Variants in VPS13B observed in about 807,000 individuals in gnomAD.
The protein encoded by VPS13B is intermembrane lipid transfer protein VPS13B.
Under a neutral mutation model 426.4 loss-of-function variants are expected in VPS13B, and 285 were observed. The observed-to-expected ratio is 0.67, with a 90% CI of 0.61 to 0.74. The LOEUF (loss-of-function observed/expected upper bound fraction) is 0.74. Ranked by LOEUF, VPS13B falls within the 30% of genes least tolerant of loss-of-function variation. The pLI is 0.00. For synonymous variants in VPS13B, 1,676 were observed against 1,676.4 expected (o/e 1.00, Z 0.01); for missense variants, 4,537 against 4,782.6 (o/e 0.95, Z 1.51).
At chr8:99,065,913 GA>G (rs1234764576) in intron 3 of VPS13B, among the ~76,000 whole-genome samples, 4 of 152,180 alleles carry the variant, frequency 2.6e-5, no homozygotes, top group African/African-American at 9.7e-5. Context: ...TTGCTTCAAA[GA>G]GAATAAATAC....
At chr8:99,267,334 T>C (rs1818357374) in intron 17 of VPS13B, among the ~76,000 whole-genome samples, 1 of 152,118 alleles carries the variant, frequency 6.6e-6, no homozygotes, top group African/African-American at 2.4e-5. Flanking sequence ...TTGAGAGAGA[T>C]GATTTGGGGT....
At chr8:99,366,149 T>G (rs1347611618) in intron 19 of VPS13B, among the ~76,000 whole-genome samples, 1 of 152,184 alleles carries the variant, frequency 6.6e-6, no homozygotes, top group Non-Finnish European at 1.5e-5. Context: ...TGTTTCTTTG[T>G]TGATTTTCTT....
intron 17 of VPS13B, among the ~76,000 whole-genome samples, chr8:99,256,706 A>G (rs1162569997): frequency 5.4e-4 from 82 of 152,092 alleles, no homozygotes; most frequent in South Asian, 8.3e-4. Flanking sequence ...AGAAATGTCT[A>G]TTCAAGTCCT....
At chr8:99,699,381 T>A (rs1266191445) in intron 35 of VPS13B, 144 bp from the exon 36 acceptor site, 2 of 842,164 alleles carry the variant, frequency 2.4e-6, no homozygotes, top group Non-Finnish European at 3.8e-6. Context: ...AAGTGATGAG[T>A]AAGAGATATA....
chr8:99,776,125 G>A (rs1247206298), intron 40 of VPS13B, among the ~76,000 whole-genome samples: 2 of 152,110 alleles, frequency 1.3e-5, no homozygotes, highest in African/African-American at 4.8e-5. Flanking sequence ...TAAAACAAGG[G>A]TGAAATATTT....
chr8:99,392,291 T>C (rs556088855), intron 21 of VPS13B, among the ~76,000 whole-genome samples: 1 of 152,274 alleles, frequency 6.6e-6, no homozygotes, highest in East Asian at 1.9e-4. Context: ...TATCCTTCTA[T>C]AAAATAATTT....
intron 9 of VPS13B, 83 bp from the exon 10 acceptor site, chr8:99,134,932 T>G: frequency 6.6e-7 from 1 of 1,516,208 alleles, no homozygotes; most frequent in Non-Finnish European, 9.1e-7. Context: ...GATGTTTAAC[T>G]AATTTAGAGA....
intron 3 of VPS13B, among the ~76,000 whole-genome samples, chr8:99,078,639 T>A (rs1845269066): frequency 6.6e-6 from 1 of 152,060 alleles, no homozygotes; most frequent in South Asian, 2.1e-4. Context: ...CAAACTTTGG[T>A]TGTCCAGGCA....
rs769856598 is a variant in VPS13B, at chr8:99,835,268, G to T, written c.9686G>T (p.Arg3229Leu). The part of the protein sequence containing the change: ...YLTLSEDPSP[R>L]VIIHNRCPVK... Reference sequence around the variant, plus strand: ...ACCCTCTCAGAAGACCCTAGTCCTCGAGTAATTATCCACAATAGATGTCCA... The same window carrying T: ...ACCCTCTCAGAAGACCCTAGTCCTCTAGTAATTATCCACAATAGATGTCCA... Residue 3229 changes from arginine (R) to leucine (L), a missense_variant, in exon 53 of 62, where the codon CGA (arginine) becomes CTA (leucine). Arg to Leu is a moderately radical substitution (Grantham distance 102). Around this residue, in one of 2 missense-constraint regions of VPS13B, gnomAD observed 4,311 missense variants for 4,474.3 expected, o/e 0.96. Transcript: ENST00000357162. 14 of 1,613,664 alleles carry T rather than the reference G, an allele frequency of 8.7e-6. No individual in the cohort carries two copies. The highest frequency in any genetic ancestry group is 1.2e-5 in the Non-Finnish European group (14 of 1,179,766).
chr8:99,720,678 T>C, intron 38 of VPS13B, 126 bp downstream of exon 38: 2 of 1,168,596 alleles, frequency 1.7e-6, no homozygotes, highest in Non-Finnish European at 2.5e-6. Flanking sequence ...AGTACAAAAA[T>C]AGTACATTAT....
intron 6 of VPS13B, among the ~76,000 whole-genome samples, chr8:99,113,615 A>G (rs1356518207): frequency 1.3e-5 from 2 of 151,980 alleles, no homozygotes; most frequent in Non-Finnish European, 2.9e-5. Context: ...ACCAGGCTGG[A>G]GTGCAATGGC....
At chr8:99,776,577 G>A (rs915989720) in intron 40 of VPS13B, among the ~76,000 whole-genome samples, 198 bp from the exon 41 acceptor site, 2 of 152,240 alleles carry the variant, frequency 1.3e-5, no homozygotes, top group African/African-American at 4.8e-5. Context: ...TAACAAGCAT[G>A]AGCCACTGCA....
chr8:99,115,569 ATT>A, intron 6 of VPS13B, 129 bp from the exon 7 acceptor site: 1 of 915,184 alleles, frequency 1.1e-6, no homozygotes, highest in Non-Finnish European at 1.6e-6. Flanking sequence ...TATTGTTTTG[ATT>A]TAAGTATTAA....
intron 59 of VPS13B, among the ~76,000 whole-genome samples, chr8:99,870,502 A>G (rs1056587074): frequency 5.9e-5 from 9 of 152,168 alleles, no homozygotes; most frequent in Non-Finnish European, 1.3e-4. Flanking sequence ...TGTCTAGGCT[A>G]TTGTTCATGA....
rs1812173168 is a variant in VPS13B at position 99,168,963 on chromosome 8, T to G, written c.2209-1076T>G. Among the ~76,000 whole-genome samples, 2 of 152,016 alleles carry G rather than the reference T, an allele frequency of 1.3e-5. 1 individual carries two copies. The highest frequency in any genetic ancestry group is 4.1e-4 in the South Asian group (2 of 4,832). ...TTTGACATTGTCGATTTGATGAATGTTAGGAGTATAATAGCTTTTTGAAAC... is the reference window on the plus strand; with the variant it reads ...TTTGACATTGTCGATTTGATGAATGGTAGGAGTATAATAGCTTTTTGAAAC... On this transcript the variant is annotated intron_variant, in intron 15 of 61. Transcript: ENST00000357162.
intron 23 of VPS13B, among the ~76,000 whole-genome samples, chr8:99,448,468 C>T (rs996843826): frequency 6.6e-6 from 1 of 152,042 alleles, no homozygotes; most frequent in Non-Finnish European, 1.5e-5. Flanking sequence ...ATCCCTTTTT[C>T]TGCATTTAAA....
chr8:99,551,229 T>C (rs1339967924), intron 30 of VPS13B, among the ~76,000 whole-genome samples: 1 of 150,166 alleles, frequency 6.7e-6, no homozygotes. Flanking sequence ...CCAAATGTAC[T>C]GAATCTTTTG....
intron 19 of VPS13B, chr8:99,341,620 A>G (rs1811250961): frequency 4.9e-6 from 1 of 204,672 alleles, no homozygotes; most frequent in South Asian, 9.4e-5. Context: ...TCATGCTGTC[A>G]TCCTTGATTT....
chr8:99,383,642 G>C (rs1307225079), intron 19 of VPS13B, among the ~76,000 whole-genome samples: 1 of 151,764 alleles, frequency 6.6e-6, no homozygotes, highest in African/African-American at 2.4e-5. Flanking sequence ...CACAGGCCCT[G>C]GTAACCACAA....
Sources: gnomAD v4.1 joint callset for allele counts (sites outside exome capture counted in the v4.1 genomes callset) on GRCh38, gnomAD v4.1.1 for gene constraint, gnomAD v4.1.1 regional missense constraint, MANE v1.5 for transcripts, NCBI Gene and HGNC (gene_info 2026-07-23, HGNC 2026-07-21) for gene names.